The following TNFSF12 variants were observed in gnomAD, a reference collection of about 807,000 sequenced individuals.
TNFSF12 encodes tumor necrosis factor ligand superfamily member 12.
In TNFSF12, 16 loss-of-function variants were observed where a neutral mutation model predicts 31.2. The observed-to-expected ratio is 0.51, with a 90% CI of 0.35 to 0.78. The LOEUF is 0.78. TNFSF12 is among the 30% of genes least tolerant of loss of function. TNFSF12 has a pLI of 0.01. For synonymous variants in TNFSF12, 150 were observed against 151.4 expected (o/e 0.99, Z 0.07); for missense variants, 324 against 338.8 (o/e 0.96, Z 0.34).
chr17:7,550,678 G>A lies in TNFSF12; in HGVS notation c.284-121G>A. On this transcript the variant is annotated intron_variant, in intron 3 of 6. Coordinates refer to ENST00000293825, the MANE Select transcript of TNFSF12 (RefSeq NM_003809.3). This position sits in a 1 kb window ranked among gnomAD's most constrained non-coding sequence, Gnocchi z 4.4. ...GGAAGATGAGGCCTGAGATTCTAAG[G>A]CCAGGAGTCTGGACAAGAATAAGGA... is the stretch of plus-strand genomic sequence containing the variant. The A allele has an allele frequency of 7.0e-7, 1 of 1,436,756 alleles. No homozygotes were observed. The highest frequency in any genetic ancestry group is 9.5e-7 in the Non-Finnish European group (1 of 1,055,814). 89.0% of individuals were successfully genotyped at this position (1,436,756 alleles called of 1,614,324 possible).
At chr17:7,551,262 A>G (rs1420840046) in intron 5 of TNFSF12, among the ~76,000 whole-genome samples, 1 of 151,864 alleles carries the variant, frequency 6.6e-6, no homozygotes, top group Non-Finnish European at 1.5e-5. Context: ...TGTCTCCTCC[A>G]TATTCCACGT....
At position 7,553,276 on chromosome 17, in the gene TNFSF12, C is replaced by T. The variant is rs982149911; in HGVS notation, c.373+2298C>T. Among the ~76,000 whole-genome samples, 4 of 151,774 alleles carry T rather than the reference C, an allele frequency of 2.6e-5. No homozygotes were observed. In the South Asian group the frequency reaches 6.2e-4, roughly 24 times the overall value. On this transcript the variant is annotated intron_variant, in intron 5 of 6. Transcript: ENST00000293825. ...GTTGGTCAGGCTGGTCTCAAACTCC[C>T]GACCTCAGGTGTTCCACCCGCTTCG...
At chr17:7,555,399 G>C (rs2071049429) in intron 5 of TNFSF12, among the ~76,000 whole-genome samples, 1 of 152,152 alleles carries the variant, frequency 6.6e-6, no homozygotes, top group African/African-American at 2.4e-5. Flanking sequence ...GAGGCTGGGG[G>C]ACTCTAAGTT....
chr17:7,553,890 G>A, intron 5 of TNFSF12: 1 of 1,039,512 alleles, frequency 9.6e-7, no homozygotes, highest in African/African-American at 1.7e-5. Context: ...TAGGTCCTCT[G>A]GACAACTAGG....
intron 5 of TNFSF12, chr17:7,553,675 A>C (rs2071026233): frequency 7.7e-7 from 1 of 1,303,756 alleles, no homozygotes; most frequent in South Asian, 1.2e-5. Context: ...TGTGTACTGG[A>C]CATGGTCTGC....
intron 5 of TNFSF12, among the ~76,000 whole-genome samples, chr17:7,554,811 G>T (rs2071042215): frequency 6.7e-6 from 1 of 148,750 alleles, no homozygotes; most frequent in African/African-American, 2.5e-5. Context: ...TAGAGACGGG[G>T]TTTCACCGTG....
intron 5 of TNFSF12, among the ~76,000 whole-genome samples, chr17:7,556,157 T>C (rs1274009813): frequency 6.6e-6 from 1 of 151,876 alleles, no homozygotes; most frequent in Non-Finnish European, 1.5e-5. Flanking sequence ...GTTTTTGTAT[T>C]TTTAGTAGAG....
chr17:7,557,546 C>T lies in TNFSF12; in HGVS notation c.*196C>T, dbSNP rs2071089523. On this transcript the variant is annotated 3_prime_UTR_variant, in exon 7 of 7. Transcript: ENST00000293825. The surrounding 1 kb of genome is among the most constrained non-coding windows in gnomAD (Gnocchi z 5.2). ...ATTCCCACTCTTATCTTACAACTCC[C>T]CCACCGCCCACTCTCCACCTCACTA... 1 of 743,772 alleles carries T rather than the reference C, an allele frequency of 1.3e-6. No homozygotes were observed. The highest frequency in any genetic ancestry group is 2.1e-5 in the South Asian group (1 of 47,604). 46.1% of individuals were successfully genotyped at this position (743,772 alleles called of 1,614,324 possible). A position where few individuals can be genotyped will look rare whatever the true frequency, so the allele number is the denominator to read the frequency against.
At chr17:7,552,444 C>T (rs1020147215) in intron 5 of TNFSF12, among the ~76,000 whole-genome samples, 3 of 151,622 alleles carry the variant, frequency 2.0e-5, no homozygotes, top group South Asian at 2.1e-4. Context: ...TCTCCTGTCT[C>T]AGCCTCCCAA....
intron 5 of TNFSF12, chr17:7,553,475 T>C: frequency 2.1e-6 from 1 of 469,824 alleles, no homozygotes; most frequent in South Asian, 1.6e-5. Context: ...TGATCTAACA[T>C]GTACTGAGGG....
At chr17:7,555,975 T>TTTTTG (rs1555564684) in intron 5 of TNFSF12, among the ~76,000 whole-genome samples, 16,115 of 67,246 alleles carry the variant, frequency 0.24, 1,701 homozygotes, top group South Asian at 0.35. Context: ...CAGTGAGCGT[T>TTTTTG]TTTTTTGTTT....
chr17:7,556,693 A>G, intron 5 of TNFSF12, 85 bp from the exon 6 acceptor site: 2 of 1,357,046 alleles, frequency 1.5e-6, no homozygotes, highest in South Asian at 4.8e-5. Flanking sequence ...TGGGCGCCGA[A>G]TGTTCATATG....
At position 7,549,376 on chromosome 17, in the gene TNFSF12, G is replaced by A; in HGVS notation, c.159+64G>A. On this transcript the variant is annotated intron_variant, in intron 1 of 6. Transcript: ENST00000293825. The surrounding 1 kb of genome is among the most constrained non-coding windows in gnomAD (Gnocchi z 4.1). ...GAGCTGAGACTGCAGAGGGGCCGCT[G>A]GGGGCCGCGTGGGCTGAAGGCAAGG... is the stretch of plus-strand genomic sequence containing the variant. 2 of 1,411,804 alleles carry A rather than the reference G, an allele frequency of 1.4e-6. No homozygotes were observed. The highest frequency in any genetic ancestry group is 1.6e-5 in the South Asian group (1 of 64,324). 87.5% of individuals were successfully genotyped at this position (1,411,804 alleles called of 1,614,324 possible). A position where few individuals can be genotyped will look rare whatever the true frequency, so the allele number is the denominator to read the frequency against.
In TNFSF12 at chr17:7,556,764, G is replaced by A. The variant is rs753991957; in HGVS notation, c.374-14G>A. 1.3e-6 allele frequency: 2 copies of A among 1,495,240 alleles called. No individual in the cohort carries two copies. Among genetic ancestry groups the A allele is most frequent in the Admixed American group, 4.8e-5 (2 of 41,460 alleles). The allele number at this position is 1,495,240 out of a possible 1,614,324, so 92.6% of individuals were successfully genotyped here. ...TAGAGAGACGTTTCCTTATCTCTGA[G>A]CATCCGTGTTCAGGTGTGGACGGGA... is the stretch of plus-strand genomic sequence containing the variant. On this transcript the variant is annotated splice_polypyrimidine_tract_variant and intron_variant, in intron 5 of 6. Coordinates refer to ENST00000293825, the MANE Select transcript of TNFSF12 (RefSeq NM_003809.3).
Position 7,549,228 on chromosome 17 carries a change from GCTGGGC to G in TNFSF12, c.86_91del (p.Gly29_Leu30del). ...GCACCGCCCTGCTGGTCCCGCTCGCGCTGGGCCTGGGCCTGGCGCTGGCCTGCCTCG... is the reference window on the plus strand; with the variant it reads ...GCACCGCCCTGCTGGTCCCGCTCGCGCTGGGCCTGGCGCTGGCCTGCCTCG... On this transcript the variant is annotated inframe_deletion, in exon 1 of 7. Coordinates refer to ENST00000293825, the MANE Select transcript of TNFSF12 (RefSeq NM_003809.3). The surrounding 1 kb of genome is among the most constrained non-coding windows in gnomAD (Gnocchi z 4.1). 7.3e-7 allele frequency: 1 copy of G among 1,367,992 alleles called. No homozygotes were observed. The highest frequency in any genetic ancestry group is 9.4e-7 in the Non-Finnish European group (1 of 1,064,848). The allele number at this position is 1,367,992 out of a possible 1,614,324, so 84.7% of individuals were successfully genotyped here.
rs8074608 is a variant in TNFSF12 at position 7,549,066 on chromosome 17, G to A, written c.-88G>A. The stretch of plus-strand genomic sequence containing the variant: ...GTTTCCCTTGCCCCTCCCTCTCCCC[G>A]GCCCGATCCGCCCGCCGGCTCCCCC... On this transcript the variant is annotated 5_prime_UTR_variant, in exon 1 of 7. Transcript: ENST00000293825. The surrounding 1 kb of genome is among the most constrained non-coding windows in gnomAD (Gnocchi z 4.1). The A allele has an allele frequency of 0.019, 14,093 of 730,568 alleles. 1,263 individuals are homozygous for A. In the African/African-American group the frequency reaches 0.22, roughly 11 times the overall value. 45.3% of individuals were successfully genotyped at this position (730,568 alleles called of 1,614,324 possible).
rs2150909109 is a variant in TNFSF12, at chr17:7,556,845, C to T, written c.441C>T (p.Asn147=). ...RINSSSPLRY[N]RQIGEFIVTR... ...ACAGCTCCAGCCCTCTGCGCTACAA[C>T]CGCCAGATCGGGGAGTTTATAGTCA... The change falls in exon 6 of 7, where the codon AAC becomes AAT. Residue 147 remains asparagine (N), a synonymous_variant. Coordinates refer to ENST00000293825, the MANE Select transcript of TNFSF12 (RefSeq NM_003809.3). 1 of 1,561,824 alleles carries T rather than the reference C, an allele frequency of 6.4e-7. No homozygotes were observed. The highest frequency in any genetic ancestry group is 1.9e-5 in the Admixed American group (1 of 53,014).
chr17:7,554,215 G>GACAT (rs1555564501), intron 5 of TNFSF12, among the ~76,000 whole-genome samples: 1 of 151,360 alleles, frequency 6.6e-6, no homozygotes, highest in Non-Finnish European at 1.5e-5. Context: ...CAATTATCCA[G>GACAT]ACATTCATTC....
At chr17:7,551,503 G>A (rs1017041232) in intron 5 of TNFSF12, among the ~76,000 whole-genome samples, 8 of 152,038 alleles carry the variant, frequency 5.3e-5, no homozygotes, top group African/African-American at 1.4e-4. Context: ...CAGTCTCTTC[G>A]TGGTCTGGTC....
Sources: allele counts gnomAD v4.1 joint callset (sites outside exome capture counted in the v4.1 genomes callset), GRCh38; gene constraint gnomAD v4.1.1; non-coding constraint Gnocchi (gnomAD v3.1); transcripts MANE v1.5; gene names NCBI Gene and HGNC (gene_info 2026-07-23, HGNC 2026-07-21).